Variants in PVT1 observed in about 807,000 individuals in gnomAD.
The protein encoded by PVT1 is Pvt1 oncogene.
chr8:128,053,881 G>C (rs767032029), intron 4 of PVT1, among the ~76,000 whole-genome samples: 2 of 152,346 alleles, frequency 1.3e-5, no homozygotes, highest in South Asian at 2.1e-4. Flanking sequence ...TGCCCAGCTG[G>C]TTCCGTCCTT....
intron 3 of PVT1, among the ~76,000 whole-genome samples, chr8:127,952,747 G>A (rs554748505): frequency 9.9e-5 from 15 of 151,096 alleles, no homozygotes; most frequent in African/African-American, 3.6e-4. Context: ...CACAAGCTGT[G>A]TCTGCACCTA....
At chr8:127,996,948 A>G (rs752658624) in intron 4 of PVT1, among the ~76,000 whole-genome samples, 1 of 151,770 alleles carries the variant, frequency 6.6e-6, no homozygotes, top group Non-Finnish European at 1.5e-5. Flanking sequence ...TTCTGAGGAC[A>G]GGCTGACATT....
chr8:127,986,762 T>C (rs1160663371), intron 3 of PVT1, among the ~76,000 whole-genome samples: 1 of 152,204 alleles, frequency 6.6e-6, no homozygotes, highest in African/African-American at 2.4e-5. Flanking sequence ...CAGGATTCTT[T>C]GCAGCTCCTG....
At chr8:128,079,626 C>T (rs1389383332) in intron 5 of PVT1, among the ~76,000 whole-genome samples, 1 of 152,170 alleles carries the variant, frequency 6.6e-6, no homozygotes, top group Non-Finnish European at 1.5e-5. Flanking sequence ...CTCCTCATTA[C>T]TCCCTCTCTC....
intron 4 of PVT1, among the ~76,000 whole-genome samples, chr8:128,034,063 T>G (rs1248078813): frequency 2.4e-5 from 3 of 126,176 alleles, no homozygotes. Flanking sequence ...CTTCTGCACC[T>G]TTTTTTTTTT....
At chr8:127,895,846 G>C (rs996767332) in intron 3 of PVT1, among the ~76,000 whole-genome samples, 29 of 152,176 alleles carry the variant, frequency 1.9e-4, no homozygotes, top group African/African-American at 6.8e-4. Flanking sequence ...GCTCTGTACT[G>C]CTTGTCAGTT....
chr8:128,087,147 C>T (rs1814268774), intron 5 of PVT1, among the ~76,000 whole-genome samples: 1 of 152,124 alleles, frequency 6.6e-6, no homozygotes, highest in African/African-American at 2.4e-5. Flanking sequence ...TCACTACCAC[C>T]CCTTTTTCAC....
intron 2 of PVT1, among the ~76,000 whole-genome samples, chr8:127,809,758 C>T (rs774332286): frequency 2.0e-5 from 3 of 152,150 alleles, no homozygotes; most frequent in East Asian, 1.9e-4. Context: ...AGTTCCCTTC[C>T]GGCATTTATT....
chr8:128,082,341 T>C (rs1000495780), intron 5 of PVT1, among the ~76,000 whole-genome samples: 8 of 152,216 alleles, frequency 5.3e-5, no homozygotes, highest in Non-Finnish European at 1.0e-4. Flanking sequence ...CTTAGCAATG[T>C]ACTACTTTAC....
At chr8:128,089,228 T>A (rs997957288) in intron 5 of PVT1, among the ~76,000 whole-genome samples, 4 of 152,174 alleles carry the variant, frequency 2.6e-5, no homozygotes, top group Non-Finnish European at 4.4e-5. Flanking sequence ...CTTCTCATAG[T>A]TCTAGAGGTT....
At chr8:128,053,272 A>G (rs922024045) in intron 4 of PVT1, among the ~76,000 whole-genome samples, 9 of 152,094 alleles carry the variant, frequency 5.9e-5, no homozygotes, top group Non-Finnish European at 1.3e-4. Flanking sequence ...ATAATTTCCT[A>G]TTAATCTTAC....
intron 3 of PVT1, among the ~76,000 whole-genome samples, chr8:127,895,472 CAAAT>C (rs34734882): frequency 2.0e-5 from 3 of 151,554 alleles, no homozygotes; most frequent in East Asian, 1.9e-4. Flanking sequence ...CTCCATCTCC[CAAAT>C]AAATAAATAA....
intron 2 of PVT1, among the ~76,000 whole-genome samples, chr8:127,834,270 AT>A (rs1337154060): frequency 6.6e-6 from 1 of 152,146 alleles, no homozygotes; most frequent in East Asian, 1.9e-4. Flanking sequence ...AATACCACAC[AT>A]CTACAACCAT....
chr8:127,919,469 G>C (rs560112678), intron 3 of PVT1, among the ~76,000 whole-genome samples: 1 of 152,192 alleles, frequency 6.6e-6, no homozygotes, highest in Non-Finnish European at 1.5e-5. Flanking sequence ...GAGACTGAAG[G>C]CTTCTCCCCA....
intron 2 of PVT1, among the ~76,000 whole-genome samples, chr8:127,822,516 G>T (rs985887073): frequency 5.3e-5 from 8 of 152,210 alleles, no homozygotes; most frequent in African/African-American, 1.9e-4. Flanking sequence ...GGTGGAGGTT[G>T]CAGTGAGCTG....
At chr8:127,951,405 G>A (rs1816504067) in intron 3 of PVT1, among the ~76,000 whole-genome samples, 1 of 152,220 alleles carries the variant, frequency 6.6e-6, no homozygotes. Context: ...CCCTGGGTAG[G>A]AAACCCAGGG....
At chr8:128,097,615 A>G (rs536392856) in intron 6 of PVT1, among the ~76,000 whole-genome samples, 1 of 152,228 alleles carries the variant, frequency 6.6e-6, no homozygotes, top group East Asian at 1.9e-4. Flanking sequence ...AATTTCAACC[A>G]CACAGACTCA....
At chr8:127,979,936 T>C (rs553609975) in intron 3 of PVT1, among the ~76,000 whole-genome samples, 3 of 152,234 alleles carry the variant, frequency 2.0e-5, no homozygotes, top group Admixed American at 6.5e-5. Flanking sequence ...TTGGAGTGTA[T>C]TGGCATGATC....
intron 4 of PVT1, among the ~76,000 whole-genome samples, chr8:128,005,614 C>T (rs1817237799): frequency 6.6e-6 from 1 of 152,154 alleles, no homozygotes; most frequent in African/African-American, 2.4e-5. Context: ...CGGATGCATC[C>T]AGTACTCTCG....
Sources: gnomAD v4.1 joint callset for allele counts (sites outside exome capture counted in the v4.1 genomes callset) on GRCh38, gnomAD v4.1.1 for gene constraint, MANE v1.5 for transcripts, NCBI Gene and HGNC (gene_info 2026-07-23, HGNC 2026-07-21) for gene names.